TMTC1: variants seen among roughly 807,000 people sequenced by gnomAD.
TMTC1 encodes transmembrane O-mannosyltransferase targeting cadherins 1, also known as protein O-mannosyl-transferase TMTC1.
A neutral mutation model predicts 104.8 loss-of-function variants in TMTC1; 73 were observed. The observed-to-expected ratio is 0.70, with a 90% CI of 0.58 to 0.85. TMTC1 has a LOEUF of 0.85. Among genes scored for constraint, TMTC1 ranks in the 40% least tolerant of loss-of-function variants. The probability of loss-of-function intolerance (pLI) is 0.00; values close to 1 mark genes in which losing one functional copy is unlikely to be tolerated. For missense variants in TMTC1, 1,035 were observed against 1,096.1 expected (o/e 0.94, Z 0.79); for synonymous variants, 434 against 428.7 (o/e 1.01, Z -0.15).
chr12:29,691,341 C>T (rs1941259870), intron 5 of TMTC1, among the ~76,000 whole-genome samples: 1 of 152,104 alleles, frequency 6.6e-6, no homozygotes, highest in Non-Finnish European at 1.5e-5. Flanking sequence ...CCTGTGGTTC[C>T]ATCTCCAACC....
chr12:29,585,641 G>C (rs1341790778), intron 7 of TMTC1, among the ~76,000 whole-genome samples: 1 of 151,804 alleles, frequency 6.6e-6, no homozygotes, highest in Admixed American at 6.5e-5. Flanking sequence ...AAGGGATCCA[G>C]TTTCAGCTTT....
intron 4 of TMTC1, among the ~76,000 whole-genome samples, chr12:29,752,958 G>T (rs532685208): frequency 3.9e-5 from 6 of 152,272 alleles, no homozygotes; most frequent in African/African-American, 1.4e-4. Context: ...AAAAAAGAAA[G>T]ATAATTTTCA....
intron 9 of TMTC1, among the ~76,000 whole-genome samples, chr12:29,570,291 C>T (rs928099285): frequency 2.6e-5 from 4 of 152,030 alleles, no homozygotes; most frequent in African/African-American, 7.2e-5. Flanking sequence ...TGTGGAACAC[C>T]TGGAACACAC....
intron 5 of TMTC1, among the ~76,000 whole-genome samples, chr12:29,720,862 A>G (rs1194698591): frequency 6.6e-6 from 1 of 152,192 alleles, no homozygotes; most frequent in Non-Finnish European, 1.5e-5. Context: ...AACTACCAAC[A>G]TGAAAATGCA....
intron 5 of TMTC1, among the ~76,000 whole-genome samples, chr12:29,680,989 C>T (rs1260176811): frequency 6.6e-6 from 1 of 151,028 alleles, no homozygotes. Flanking sequence ...ATCCCAGCTA[C>T]TTGGGAGGCT....
At chr12:29,585,798 A>T (rs186652430) in intron 7 of TMTC1, among the ~76,000 whole-genome samples, 4 of 152,132 alleles carry the variant, frequency 2.6e-5, no homozygotes, top group Admixed American at 6.5e-5. Flanking sequence ...ATTGGTCTAT[A>T]TCTCTGTTTT....
intron 5 of TMTC1, among the ~76,000 whole-genome samples, chr12:29,701,087 G>C (rs1321206836): frequency 6.6e-6 from 1 of 150,538 alleles, no homozygotes; most frequent in Non-Finnish European, 1.5e-5. Context: ...CTGACTGAGA[G>C]TCTTGCTTTT....
intron 8 of TMTC1, among the ~76,000 whole-genome samples, chr12:29,579,072 G>T (rs1945903669): frequency 1.3e-5 from 2 of 152,174 alleles, no homozygotes; most frequent in African/African-American, 4.8e-5. Flanking sequence ...AGACCTTTTT[G>T]TAAGGTTACA....
intron 5 of TMTC1, among the ~76,000 whole-genome samples, chr12:29,661,973 T>A (rs1192825360): frequency 6.6e-6 from 1 of 152,160 alleles, no homozygotes; most frequent in African/African-American, 2.4e-5. Flanking sequence ...GGTTGGCTGG[T>A]TTTAGAAAAA....
intron 10 of TMTC1, among the ~76,000 whole-genome samples, chr12:29,539,058 G>T (rs1944722100): frequency 6.6e-6 from 1 of 152,164 alleles, no homozygotes; most frequent in Non-Finnish European, 1.5e-5. Context: ...GTTTCTAAAA[G>T]GGAGAGGAAT....
intron 5 of TMTC1, among the ~76,000 whole-genome samples, chr12:29,703,589 G>A (rs1339024826): frequency 6.6e-6 from 1 of 152,108 alleles, no homozygotes; most frequent in Non-Finnish European, 1.5e-5. Context: ...TTAATGCCAA[G>A]ACGCATTTTT....
At chr12:29,549,836 G>T in intron 10 of TMTC1, among the ~76,000 whole-genome samples, 1 of 152,116 alleles carries the variant, frequency 6.6e-6, no homozygotes, top group East Asian at 1.9e-4. Flanking sequence ...CATAAGGAAT[G>T]AATTTTCAAC....
chr12:29,583,364 G>T lies in TMTC1; in HGVS notation c.1418+43C>A, dbSNP rs1565687023. 5 of 1,573,826 alleles carry T rather than the reference G, an allele frequency of 3.2e-6. No individual in the cohort carries two copies. In the South Asian group the frequency reaches 3.5e-5, roughly 11 times the overall value. ...TGTTTGGAAACAATTTGTAAGCAAA[G>T]AAATAAACAGGAAGATATTTATTTT... On this transcript the variant is annotated intron_variant, in intron 8 of 17. Coordinates refer to ENST00000539277, the MANE Select transcript of TMTC1 (RefSeq NM_001193451.2).
In TMTC1 at chr12:29,783,697, G is replaced by A. The variant is rs1395289447; in HGVS notation, c.55C>T (p.Arg19Trp). The change falls in exon 1 of 18, where the codon CGG (arginine) becomes TGG (tryptophan). Residue 19 changes from arginine (R) to tryptophan (W), a missense_variant. Physicochemically the swap from Arg to Trp is moderately radical, Grantham distance 101. Coordinates refer to ENST00000539277, the MANE Select transcript of TMTC1 (RefSeq NM_001193451.2). The surrounding 1 kb of genome is among the most constrained non-coding windows in gnomAD (Gnocchi z 4.7). ...GGGGDRTPSR[R>W]RGCGLAPAGA... ...GCCGGCGCTAGCCCGCAGCCCCGCC[G>A]CCGGGAGGGTGTGCGGTCCCCGCCG... The A allele has an allele frequency of 4.8e-6, 6 of 1,261,274 alleles. No homozygotes were observed. Among genetic ancestry groups the A allele is most frequent in the Non-Finnish European group, 5.9e-6 (6 of 1,010,752 alleles). 78.1% of individuals were successfully genotyped at this position (1,261,274 alleles called of 1,614,324 possible). A position where few individuals can be genotyped will look rare whatever the true frequency, so the allele number is the denominator to read the frequency against.
At chr12:29,688,155 G>A (rs77454392) in intron 5 of TMTC1, among the ~76,000 whole-genome samples, 2,523 of 152,240 alleles carry the variant, frequency 0.017, 64 homozygotes, top group African/African-American at 0.058. Context: ...TGATGGAGCT[G>A]GTCATTGTGA....
chr12:29,678,053 A>G (rs888210627), intron 5 of TMTC1, among the ~76,000 whole-genome samples: 1 of 152,232 alleles, frequency 6.6e-6, no homozygotes, highest in Non-Finnish European at 1.5e-5. Flanking sequence ...ATAACAGGGA[A>G]GTAATTTATT....
intron 9 of TMTC1, among the ~76,000 whole-genome samples, chr12:29,567,764 G>A (rs71453746): frequency 2.0e-5 from 3 of 152,132 alleles, no homozygotes; most frequent in Non-Finnish European, 2.9e-5. Flanking sequence ...TTGACTCCTG[G>A]TTTTTAAAAC....
At chr12:29,739,705 A>G (rs1233060761) in intron 5 of TMTC1, among the ~76,000 whole-genome samples, 2 of 151,940 alleles carry the variant, frequency 1.3e-5, no homozygotes, top group Non-Finnish European at 2.9e-5. Flanking sequence ...TTAAAAAGTC[A>G]ATCTTTTTTG....
intron 5 of TMTC1, among the ~76,000 whole-genome samples, chr12:29,748,081 T>G (rs1349316571): frequency 1.3e-5 from 2 of 152,188 alleles, no homozygotes; most frequent in East Asian, 3.8e-4. Flanking sequence ...CTGTTTTTTG[T>G]TTTTTGTTTT....
Sources: gnomAD v4.1 joint callset for allele counts (sites outside exome capture counted in the v4.1 genomes callset) on GRCh38, gnomAD v4.1.1 for gene constraint, Gnocchi (gnomAD v3.1) non-coding constraint, MANE v1.5 for transcripts, NCBI Gene and HGNC (gene_info 2026-07-23, HGNC 2026-07-21) for gene names.